The following NRP2 variants were observed in gnomAD, a reference collection of about 807,000 sequenced individuals.
NRP2 encodes the protein neuropilin 2.
A neutral mutation model predicts 110.4 loss-of-function variants in NRP2; 52 were observed. The observed-to-expected ratio is 0.47, with a 90% CI of 0.38 to 0.59. The LOEUF (loss-of-function observed/expected upper bound fraction) is 0.59, where lower values mean the gene tolerates loss of function less well. Among genes scored for constraint, NRP2 ranks in the 20% least tolerant of loss-of-function variants. The pLI, the probability that NRP2 is intolerant of heterozygous loss-of-function variation, is 0.00. For missense variants in NRP2, 1,049 were observed against 1,203.0 expected (o/e 0.87, Z 1.89); for synonymous variants, 508 against 468.9 (o/e 1.08, Z -1.08).
chr2:205,747,888 A>T (rs1195073648), intron 10 of NRP2, among the ~76,000 whole-genome samples: 4 of 152,124 alleles, frequency 2.6e-5, no homozygotes, highest in Non-Finnish European at 5.9e-5. Flanking sequence ...CTTATTTCAA[A>T]GCCCTGCCTG....
chr2:205,753,485 A>C (rs1283318773), intron 12 of NRP2, among the ~76,000 whole-genome samples: 2 of 152,228 alleles, frequency 1.3e-5, no homozygotes, highest in Admixed American at 6.5e-5. Context: ...GGTATCTAGC[A>C]GAGCTGCCTG....
At chr2:205,715,349 C>T (rs1361800506) in intron 2 of NRP2, among the ~76,000 whole-genome samples, 1 of 152,204 alleles carries the variant, frequency 6.6e-6, no homozygotes, top group Non-Finnish European at 1.5e-5. Context: ...GACTCTGCTT[C>T]AAATGAGCAC....
chr2:205,723,966 G>A (rs756275736), intron 5 of NRP2, 26 bp downstream of exon 5: 2 of 1,613,626 alleles, frequency 1.2e-6, no homozygotes, highest in African/African-American at 2.7e-5. Flanking sequence ...GGGAACCTCT[G>A]TCCTGTCCTT....
intron 15 of NRP2, among the ~76,000 whole-genome samples, chr2:205,781,734 C>T (rs898839776): frequency 6.6e-6 from 1 of 152,114 alleles, no homozygotes; most frequent in Non-Finnish European, 1.5e-5. Context: ...TTAGTGACAG[C>T]CCAAAGAAAA....
intron 15 of NRP2, among the ~76,000 whole-genome samples, chr2:205,788,536 A>G (rs1011170064): frequency 2.0e-5 from 3 of 150,890 alleles, no homozygotes; most frequent in East Asian, 3.9e-4. Context: ...GCAAGCCAAA[A>G]GACAAGAGAT....
intron 2 of NRP2, among the ~76,000 whole-genome samples, chr2:205,712,880 G>GTT (rs769787044): frequency 2.0e-5 from 3 of 152,140 alleles, no homozygotes; most frequent in Non-Finnish European, 4.4e-5. Context: ...TTCAAGTAAG[G>GTT]TTTGTTGATT....
intron 11 of NRP2, among the ~76,000 whole-genome samples, chr2:205,751,653 G>A (rs1384099229): frequency 6.6e-6 from 1 of 152,056 alleles, no homozygotes; most frequent in Non-Finnish European, 1.5e-5. Flanking sequence ...TCCCTCTGAC[G>A]CCAGCAGTGC....
At chr2:205,697,287 T>C (rs2056450586) in intron 1 of NRP2, among the ~76,000 whole-genome samples, 1 of 149,880 alleles carries the variant, frequency 6.7e-6, no homozygotes, top group Non-Finnish European at 1.5e-5. Flanking sequence ...AGAATATTTA[T>C]GGCCATGTTC....
intron 15 of NRP2, among the ~76,000 whole-genome samples, chr2:205,789,577 G>T (rs1222154178): frequency 1.3e-5 from 2 of 152,170 alleles, no homozygotes; most frequent in Non-Finnish European, 2.9e-5. Flanking sequence ...CTGCCATCCT[G>T]TGGCTGCCAT....
chr2:205,700,773 C>T (rs773472688), intron 2 of NRP2: 2 of 518,502 alleles, frequency 3.9e-6, no homozygotes, highest in Non-Finnish European at 7.7e-6. Context: ...CAATCCAAGG[C>T]CACCATCTCT....
intron 15 of NRP2, among the ~76,000 whole-genome samples, chr2:205,790,647 T>TG (rs1386638645): frequency 3.0e-5 from 3 of 100,908 alleles, no homozygotes; most frequent in Admixed American, 1.0e-4. Context: ...TTTTCTTCCA[T>TG]GTTTTTTTTT....
intron 15 of NRP2, among the ~76,000 whole-genome samples, chr2:205,781,782 G>A (rs141470819): frequency 1.3e-5 from 2 of 152,174 alleles, no homozygotes; most frequent in Admixed American, 6.5e-5. Context: ...GGGAGGGGGC[G>A]AGGGGAACAC....
rs1372872514 is a variant in NRP2, at chr2:205,682,774, G to A, written c.-517G>A. The A allele has an allele frequency of 6.2e-6, 1 of 161,452 alleles. No homozygotes were observed. The highest frequency in any genetic ancestry group is 1.4e-5 in the Non-Finnish European group (1 of 73,776). 10.0% of individuals were successfully genotyped at this position (161,452 alleles called of 1,614,324 possible). A position where few individuals can be genotyped will look rare whatever the true frequency, so the allele number is the denominator to read the frequency against. Reference sequence around the variant, plus strand: ...GGAACCCGGCGAGGACAAGAGCAGGGCGGCCGCCTTCCACTCGGGCTGTCC... The same window carrying A: ...GGAACCCGGCGAGGACAAGAGCAGGACGGCCGCCTTCCACTCGGGCTGTCC... On this transcript the variant is annotated 5_prime_UTR_variant, in exon 1 of 17. Coordinates refer to ENST00000357785, the MANE Select transcript of NRP2 (RefSeq NM_003872.3). This position sits in a 1 kb window ranked among gnomAD's most constrained non-coding sequence, Gnocchi z 4.3.
At chr2:205,740,706 C>T (rs1479802869) in intron 8 of NRP2, 43 bp downstream of exon 8, 2 of 1,609,488 alleles carry the variant, frequency 1.2e-6, no homozygotes, top group Non-Finnish European at 1.7e-6. Context: ...TGATTGAGCC[C>T]TAGGCTCTGC....
At chr2:205,709,436 T>G (rs2056753688) in intron 2 of NRP2, among the ~76,000 whole-genome samples, 1 of 152,226 alleles carries the variant, frequency 6.6e-6, no homozygotes, top group Admixed American at 6.5e-5. Context: ...TGGGCCTGCA[T>G]GTACCTTCGC....
At chr2:205,720,198 G>T (rs1304925771) in intron 3 of NRP2, among the ~76,000 whole-genome samples, 1 of 150,850 alleles carries the variant, frequency 6.6e-6, no homozygotes, top group Admixed American at 6.6e-5. Context: ...TTTTTCCACC[G>T]CCTTCAAAAT....
chr2:205,717,289 C>A (rs796509077), intron 3 of NRP2, among the ~76,000 whole-genome samples: 6 of 152,248 alleles, frequency 3.9e-5, no homozygotes, highest in African/African-American at 9.6e-5. Context: ...CCCTCTCCCC[C>A]CAGCAGCCCA....
Position 205,763,524 on chromosome 2 carries a change from A to G in NRP2, c.2045-150A>G. 9.7e-7 allele frequency: 1 copy of G among 1,033,556 alleles called. No individual in the cohort carries two copies. Among genetic ancestry groups the G allele is most frequent in the Non-Finnish European group, 1.5e-6 (1 of 669,634 alleles). 64.0% of individuals were successfully genotyped at this position (1,033,556 alleles called of 1,614,324 possible). A position where few individuals can be genotyped will look rare whatever the true frequency, so the allele number is the denominator to read the frequency against. ...ATCAAGGCTCTGAAGGAGCCTTAAG[A>G]AAGGGTCACAGAGCCTGGAGAACAA... On this transcript the variant is annotated intron_variant, in intron 12 of 16. Coordinates refer to ENST00000357785, the MANE Select transcript of NRP2 (RefSeq NM_003872.3). The surrounding 1 kb of genome is among the most constrained non-coding windows in gnomAD (Gnocchi z 4.0).
rs1342630722 is a variant in NRP2, at chr2:205,795,165, C to T, written c.*107C>T. 2.9e-5 allele frequency: 32 copies of T among 1,120,660 alleles called. No individual in the cohort carries two copies. The highest frequency in any genetic ancestry group is 3.7e-5 in the Non-Finnish European group (28 of 763,594). The allele number at this position is 1,120,660 out of a possible 1,614,324, so 69.4% of individuals were successfully genotyped here. On this transcript the variant is annotated 3_prime_UTR_variant, in exon 17 of 17. Transcript: ENST00000357785. ...CTGAATGCCATAATCTCGATCAAAC[C>T]GATCCAGAATACCGAAGGTATGGAC...
Sources: allele counts gnomAD v4.1 joint callset (sites outside exome capture counted in the v4.1 genomes callset), GRCh38; gene constraint gnomAD v4.1.1; non-coding constraint Gnocchi (gnomAD v3.1); transcripts MANE v1.5; gene names NCBI Gene and HGNC (gene_info 2026-07-23, HGNC 2026-07-21).